The following SNX15 variants were observed in gnomAD, a reference collection of about 807,000 sequenced individuals.
SNX15 encodes sorting nexin-15.
In SNX15, 29 loss-of-function variants were observed where a neutral mutation model predicts 35.2. That is an observed-to-expected ratio of 0.82 (90% CI 0.61 to 1.12). The LOEUF (loss-of-function observed/expected upper bound fraction) is 1.12. Ranked by LOEUF, SNX15 falls within the 50% of genes most tolerant of loss-of-function variation. The pLI, the probability that SNX15 is intolerant of heterozygous loss-of-function variation, is 0.00. For missense variants in SNX15, 400 were observed against 451.5 expected (o/e 0.89, Z 1.03); for synonymous variants, 189 against 188.2 (o/e 1.00, Z -0.03).
In SNX15 at chr11:65,040,312, C is replaced by G. The variant is rs766026885; in HGVS notation, c.*520C>G. 3.7e-4 allele frequency: 57 copies of G among 154,932 alleles called. No individual in the cohort carries two copies. Among genetic ancestry groups the G allele is most frequent in the Non-Finnish European group, 7.3e-4 (51 of 69,488 alleles). The allele number at this position is 154,932 out of a possible 1,614,324, so 9.6% of individuals were successfully genotyped here. A position where few individuals can be genotyped will look rare whatever the true frequency, so the allele number is the denominator to read the frequency against. On this transcript the variant is annotated 3_prime_UTR_variant, in exon 8 of 8. Coordinates refer to ENST00000377244, the MANE Select transcript of SNX15 (RefSeq NM_013306.5). Reference sequence around the variant, plus strand: ...GTCACTACGCCCGGCCCATGTCTGTCTGTCTTGATGTGTGAGCAGCAGCTG... The same window carrying G: ...GTCACTACGCCCGGCCCATGTCTGTGTGTCTTGATGTGTGAGCAGCAGCTG...
intron 6 of SNX15, 154 bp downstream of exon 6, chr11:65,035,817 G>A (rs1477921863): frequency 2.1e-5 from 15 of 714,018 alleles, no homozygotes; most frequent in Non-Finnish European, 3.2e-5. Context: ...CAGCTTCAAT[G>A]AGAATTAGAA....
At chr11:65,036,641 T>C (rs994731527) in intron 6 of SNX15, 2 of 149,970 alleles carry the variant, frequency 1.3e-5, no homozygotes, top group African/African-American at 4.9e-5. Context: ...CCTCTGAAAG[T>C]GCTGGGATTA....
chr11:65,039,630 G>T, intron 7 of SNX15, 56 bp from the exon 8 acceptor site: 1 of 1,180,882 alleles, frequency 8.5e-7, no homozygotes, highest in Non-Finnish European at 1.2e-6. Context: ...CCGACCAGGG[G>T]TTCTGACCAG....
intron 1 of SNX15, among the ~76,000 whole-genome samples, chr11:65,030,626 G>T (rs1946430854): frequency 1.3e-5 from 2 of 151,114 alleles, no homozygotes; most frequent in South Asian, 4.2e-4. Flanking sequence ...AGCCTCCTGA[G>T]TAGCTGGGAC....
Position 65,035,614 on chromosome 11 carries a change from C to G in SNX15, c.615C>G (p.Gly205=), listed in dbSNP as rs1346261125. 1.9e-6 allele frequency: 3 copies of G among 1,613,816 alleles called. No individual in the cohort carries two copies. Among genetic ancestry groups the G allele is most frequent in the Non-Finnish European group, 2.5e-6 (3 of 1,179,832 alleles). ...AGGCATCTGGTTCCCCTGCCCGAGG[C>G]CCCCTCACCGAGGCTGAGCTTGCCC... is the stretch of plus-strand genomic sequence containing the variant. ...TEEASGSPAR[G]PLTEAELALF... The change falls in exon 6 of 8, where the codon GGC becomes GGG. Residue 205 remains glycine (G), a synonymous_variant. Coordinates refer to ENST00000377244, the MANE Select transcript of SNX15 (RefSeq NM_013306.5).
intron 1 of SNX15, among the ~76,000 whole-genome samples, chr11:65,030,225 C>G (rs1490854858): frequency 6.6e-6 from 1 of 151,750 alleles, no homozygotes; most frequent in African/African-American, 2.4e-5. Context: ...CATGGTGGCG[C>G]TCACCTGTAG....
At position 65,035,043 on chromosome 11, in the gene SNX15, T is replaced by C. The variant is rs757665975; in HGVS notation, c.373-16T>C. ...GCACCCCATGACTCCCCATGTCTGA[T>C]CTTTCTGTCCTGCAGGGTGGGGAGG... On this transcript the variant is annotated splice_polypyrimidine_tract_variant and intron_variant, in intron 4 of 7. Transcript: ENST00000377244. The C allele has an allele frequency of 6.2e-7, 1 of 1,613,774 alleles. No individual in the cohort carries two copies. Among genetic ancestry groups the C allele is most frequent in the Non-Finnish European group, 8.5e-7 (1 of 1,179,920 alleles).
At chr11:65,039,610 T>G in intron 7 of SNX15, 76 bp from the exon 8 acceptor site, 1 of 852,326 alleles carries the variant, frequency 1.2e-6, no homozygotes, top group Non-Finnish European at 1.9e-6. Flanking sequence ...CTCTGCGAAT[T>G]GTAAAGGACC....
rs1946530971 is a variant in SNX15 at position 65,038,689 on chromosome 11, A to G, written c.782A>G (p.Glu261Gly). ...GGGCAGGAGGAGGAAGAGGATGGGGAAGGAGGGCCCACCCCTGCCTACCTA... is the reference window on the plus strand; with the variant it reads ...GGGCAGGAGGAGGAAGAGGATGGGGGAGGAGGGCCCACCCCTGCCTACCTA... ...PGGQEEEEDG[E>G]GGPTPAYLSQ... The change falls in exon 7 of 8, where the codon GAA becomes GGA. Residue 261 changes from glutamate to glycine, a missense_variant. Physicochemically the swap from Glu to Gly is moderately conservative, Grantham distance 98. Transcript: ENST00000377244. The G allele has an allele frequency of 1.2e-6, 2 of 1,610,642 alleles. No homozygotes were observed. Among genetic ancestry groups the G allele is most frequent in the Admixed American group, 3.4e-5 (2 of 59,206 alleles).
In SNX15 at chr11:65,027,593, G is replaced by C; in HGVS notation, c.56G>C (p.Arg19Thr). Residue 19 changes from arginine to threonine, a missense_variant, in exon 1 of 8, where the codon AGG becomes ACG. Physicochemically the swap from Arg to Thr is moderately conservative, Grantham distance 71. Coordinates refer to ENST00000377244, the MANE Select transcript of SNX15 (RefSeq NM_013306.5). Reference sequence around the variant, plus strand: ...CGGCACTACACAGTGTCGGACCCCAGGACTCACCCCAAGGGCTACACCGAG... The same window carrying C: ...CGGCACTACACAGTGTCGGACCCCACGACTCACCCCAAGGGCTACACCGAG... ...FLRHYTVSDP[R>T]THPKGYTEYK... The C allele has an allele frequency of 6.2e-7, 1 of 1,614,122 alleles. No homozygotes were observed. Among genetic ancestry groups the C allele is most frequent in the South Asian group, 1.1e-5 (1 of 91,088 alleles).
rs1223953346 is a variant in SNX15 at position 65,034,893 on chromosome 11, G to C, written c.303G>C (p.Glu101Asp). ...TCGAGGAGCGGCGAAAGGGGGCAGA[G>C]GACCTGCTTCGCTTCACTGTGCACA... ...SVIEERRKGAEDLLRFTVHIP... is the reference protein window; with the variant it reads ...SVIEERRKGADDLLRFTVHIP... Residue 101 changes from glutamate to aspartate, a missense_variant, in exon 4 of 8, where the codon GAG becomes GAC. By Grantham distance (45) the Glu-to-Asp change is conservative (BLOSUM62 2). Transcript: ENST00000377244. 1 of 1,613,968 alleles carries C rather than the reference G, an allele frequency of 6.2e-7. No homozygotes were observed. The highest frequency in any genetic ancestry group is 8.5e-7 in the Non-Finnish European group (1 of 1,179,978).
Position 65,038,596 on chromosome 11 carries a change from A to G in SNX15, c.689A>G (p.His230Arg), listed in dbSNP as rs199545875. The G allele has an allele frequency of 1.3e-6, 2 of 1,580,022 alleles. No individual in the cohort carries two copies. The highest frequency in any genetic ancestry group is 1.8e-5 in the Admixed American group (1 of 55,702). ...KEEGAAPSPT[H>R]VAELATMEVE... ...GAAGGCGCAGCCCCCAGCCCCACCC[A>G]TGTGGCTGAGCTGGCAACGATGGAG... The change falls in exon 7 of 8, where the codon CAT (histidine) becomes CGT (arginine). Residue 230 changes from histidine to arginine, a missense_variant. Physicochemically the swap from His to Arg is conservative, Grantham distance 29. Transcript: ENST00000377244.
At chr11:65,036,538 C>A (rs1258500399) in intron 6 of SNX15, 3 of 151,782 alleles carry the variant, frequency 2.0e-5, no homozygotes, top group Admixed American at 1.3e-4. Flanking sequence ...ACCACGGTGC[C>A]TGCTAATTTT....
Position 65,032,655 on chromosome 11 carries a change from C to T in SNX15, c.256+104C>T, listed in dbSNP as rs1946454306. Reference sequence around the variant, plus strand: ...GATAGAGAGGGCCTGAAACCCTGGGCAGAGTCATGTTTGGAAGGGCCCTTA... The same window carrying T: ...GATAGAGAGGGCCTGAAACCCTGGGTAGAGTCATGTTTGGAAGGGCCCTTA... On this transcript the variant is annotated intron_variant, in intron 3 of 7. Transcript: ENST00000377244. 3 of 1,428,026 alleles carry T rather than the reference C, an allele frequency of 2.1e-6. No individual in the cohort carries two copies. In the East Asian group the frequency reaches 6.8e-5, roughly 33 times the overall value. 88.5% of individuals were successfully genotyped at this position (1,428,026 alleles called of 1,614,324 possible). A position where few individuals can be genotyped will look rare whatever the true frequency, so the allele number is the denominator to read the frequency against.
intron 5 of SNX15, 66 bp downstream of exon 5, chr11:65,035,272 C>G (rs1423864357): frequency 7.1e-7 from 1 of 1,411,278 alleles, no homozygotes; most frequent in African/African-American, 1.4e-5. Flanking sequence ...GGCCACACTC[C>G]CTCCTCAGTG....
chr11:65,030,083 G>A (rs942686435), intron 1 of SNX15, among the ~76,000 whole-genome samples: 9 of 152,074 alleles, frequency 5.9e-5, no homozygotes, highest in South Asian at 2.1e-4. Context: ...GAGGCTGGGC[G>A]TGGTGGCGCA....
intron 1 of SNX15, among the ~76,000 whole-genome samples, chr11:65,028,300 C>A (rs2507815): frequency 0.095 from 14,457 of 152,096 alleles, 950 homozygotes; most frequent in South Asian, 0.21. Flanking sequence ...AGGAAGGTCC[C>A]CAGGGAGAGG....
chr11:65,029,720 G>A (rs531675623), intron 1 of SNX15, among the ~76,000 whole-genome samples: 276 of 151,748 alleles, frequency 1.8e-3, no homozygotes, highest in Non-Finnish European at 3.5e-3. Context: ...GGGATTATAG[G>A]CGTGTGCCAC....
At chr11:65,027,774 C>G (rs754864565) in intron 1 of SNX15, 138 bp downstream of exon 1, 10 of 659,000 alleles carry the variant, frequency 1.5e-5, no homozygotes, top group Non-Finnish European at 2.4e-5. Context: ...GGTTGCAGTA[C>G]GAGGCTTAGT....
Sources: gnomAD v4.1 joint callset for allele counts (sites outside exome capture counted in the v4.1 genomes callset) on GRCh38, gnomAD v4.1.1 for gene constraint, MANE v1.5 for transcripts, NCBI Gene and HGNC (gene_info 2026-07-23, HGNC 2026-07-21) for gene names.